ACVR1: variants seen among roughly 807,000 people sequenced by gnomAD.
ACVR1 encodes the protein activin A receptor type 1.
A neutral mutation model predicts 57.1 loss-of-function variants in ACVR1; 38 were observed. The ratio of observed to expected loss-of-function variants is 0.67; its 90% CI spans 0.51 to 0.87. The LOEUF (loss-of-function observed/expected upper bound fraction) is 0.87. ACVR1 is among the 40% of genes least tolerant of loss of function. The pLI, the probability that ACVR1 is intolerant of heterozygous loss-of-function variation, is 0.00. For missense variants in ACVR1, 463 were observed against 638.2 expected (o/e 0.73, Z 2.96); for synonymous variants, 212 against 228.1 (o/e 0.93, Z 0.63).
At chr2:157,780,043 T>C (rs926167287) in intron 4 of ACVR1, among the ~76,000 whole-genome samples, 1 of 152,216 alleles carries the variant, frequency 6.6e-6, no homozygotes, top group Non-Finnish European at 1.5e-5. Flanking sequence ...TAAAAAGGTA[T>C]TGGGAGCTGT....
At chr2:157,859,455 C>T (rs1322110837) in intron 1 of ACVR1, among the ~76,000 whole-genome samples, 2 of 152,140 alleles carry the variant, frequency 1.3e-5, no homozygotes, top group Non-Finnish European at 2.9e-5. Flanking sequence ...AGGAGCCATT[C>T]TTCCTTTACT....
rs1215633889 is a variant in ACVR1 at position 157,736,559 on chromosome 2, A to AT, written c.*971dup. The stretch of plus-strand genomic sequence containing the variant: ...AGAGTTTAAATGCACGTAATGGATA[A>AT]TTCTGAAGAAAATGCATTTTCCCCG... On this transcript the variant is annotated 3_prime_UTR_variant, in exon 11 of 11. Coordinates refer to ENST00000434821, the MANE Select transcript of ACVR1 (RefSeq NM_001111067.4). The AT allele has an allele frequency of 1.1e-5, 3 of 284,130 alleles. No individual in the cohort carries two copies. The Admixed American group carries it at 1.6e-4, about 15-fold the overall frequency. The allele number at this position is 284,130 out of a possible 1,614,324, so 17.6% of individuals were successfully genotyped here.
intron 2 of ACVR1, among the ~76,000 whole-genome samples, chr2:157,816,601 T>C (rs968336995): frequency 3.4e-5 from 5 of 145,104 alleles, no homozygotes; most frequent in Non-Finnish European, 7.4e-5. Context: ...TGCCTCAAAA[T>C]AGTAATAATA....
chr2:157,856,977 T>C (rs1044457450), intron 1 of ACVR1, among the ~76,000 whole-genome samples: 1 of 152,206 alleles, frequency 6.6e-6, no homozygotes, highest in Middle Eastern at 3.4e-3. Flanking sequence ...GGCAGGTGGA[T>C]TGCTTGAGCC....
intron 1 of ACVR1, among the ~76,000 whole-genome samples, chr2:157,868,500 A>G (rs889487156): frequency 1.9e-4 from 27 of 142,686 alleles, no homozygotes; most frequent in African/African-American, 6.5e-4. Context: ...AAAAAAAAAA[A>G]TCTGCAACTA....
intron 2 of ACVR1, among the ~76,000 whole-genome samples, chr2:157,802,527 T>C (rs1687361543): frequency 6.6e-6 from 1 of 152,082 alleles, no homozygotes; most frequent in African/African-American, 2.4e-5. Context: ...CTACCCATTA[T>C]TATCACCCCC....
chr2:157,863,555 G>T (rs1689810691), intron 1 of ACVR1, among the ~76,000 whole-genome samples: 1 of 150,456 alleles, frequency 6.6e-6, no homozygotes, highest in Admixed American at 6.6e-5. Flanking sequence ...AAATTAGCTG[G>T]GTGCAGTGGT....
intron 1 of ACVR1, among the ~76,000 whole-genome samples, chr2:157,853,025 A>T (rs186932216): frequency 3.5e-4 from 54 of 152,372 alleles, no homozygotes; most frequent in African/African-American, 1.2e-3. Context: ...TCCTAACAAT[A>T]AGATCTCAAA....
chr2:157,747,544 T>C (rs60165990), intron 9 of ACVR1, among the ~76,000 whole-genome samples: 2,498 of 152,308 alleles, frequency 0.016, 63 homozygotes, highest in African/African-American at 0.057. Flanking sequence ...TACGGAATTA[T>C]ATCTATATAT....
Position 157,783,667 on chromosome 2 carries a change from G to A in ACVR1, c.68-3067C>T, listed in dbSNP as rs536114584. 7.9e-5 allele frequency among the ~76,000 whole-genome samples: 12 copies of A among 152,244 alleles called. No homozygotes were observed. The South Asian group carries it at 2.5e-3, about 32-fold the overall frequency. On this transcript the variant is annotated intron_variant, in intron 3 of 10. Coordinates refer to ENST00000434821, the MANE Select transcript of ACVR1 (RefSeq NM_001111067.4). Reference sequence around the variant, plus strand: ...AAGGCAAGGAAAGACAACTGTTAATGATACGTAATAATTAACTCAATCTCT... The same window carrying A: ...AAGGCAAGGAAAGACAACTGTTAATAATACGTAATAATTAACTCAATCTCT...
At chr2:157,847,076 T>C (rs1689146811) in intron 1 of ACVR1, among the ~76,000 whole-genome samples, 2 of 152,040 alleles carry the variant, frequency 1.3e-5, no homozygotes, top group Admixed American at 6.5e-5. Flanking sequence ...GCCAAAGAAA[T>C]GAACCAGAAC....
chr2:157,874,900 C>G (rs1177395983), intron 1 of ACVR1: 1 of 150,176 alleles, frequency 6.7e-6, no homozygotes, highest in Admixed American at 6.7e-5. Flanking sequence ...TTCATGACAA[C>G]TTTTTAACCA....
At chr2:157,775,521 A>C (rs918944813) in intron 5 of ACVR1, among the ~76,000 whole-genome samples, 5 of 152,150 alleles carry the variant, frequency 3.3e-5, no homozygotes, top group Non-Finnish European at 7.4e-5. Context: ...ATCTTCTTTC[A>C]CTTCTTCTGA....
chr2:157,805,624 T>TTCTGGGAAGGTAGAAGAAACTTGCCTA (rs1307662743), intron 2 of ACVR1, among the ~76,000 whole-genome samples: 40 of 152,138 alleles, frequency 2.6e-4, no homozygotes, highest in Non-Finnish European at 5.4e-4. Flanking sequence ...TTTCTTAGTC[T>TTCTGGGAAGGTAGAAGAAACTTGCCTA]TCTGGGAAGG....
chr2:157,766,227 A>G (rs752599923), intron 7 of ACVR1, 31 bp from the exon 8 acceptor site: 100 of 1,608,322 alleles, frequency 6.2e-5, no homozygotes, highest in East Asian at 1.3e-4. Flanking sequence ...ATTAATATAC[A>G]TGAGGATTCC....
At chr2:157,772,506 G>A (rs1686107763) in intron 6 of ACVR1, among the ~76,000 whole-genome samples, 1 of 152,134 alleles carries the variant, frequency 6.6e-6, no homozygotes, top group South Asian at 2.1e-4. Context: ...TATTTATACT[G>A]TTTCAAAAGA....
rs577800017 is a variant in ACVR1, at chr2:157,770,724, C to G, written c.644-210G>C. On this transcript the variant is annotated intron_variant, in intron 6 of 10. Coordinates refer to ENST00000434821, the MANE Select transcript of ACVR1 (RefSeq NM_001111067.4). ...TACAAAAATAAGGTGGAAGCTGCCCCTCTCATCTACCATATTGTGATAACA... is the reference window on the plus strand; with the variant it reads ...TACAAAAATAAGGTGGAAGCTGCCCGTCTCATCTACCATATTGTGATAACA... Among the ~76,000 whole-genome samples the G allele has an allele frequency of 4.6e-5, 7 of 152,282 alleles. No individual in the cohort carries two copies. The South Asian group carries it at 1.5e-3, about 32-fold the overall frequency.
At chr2:157,846,804 TAAAAGAA>T (rs1360698998) in intron 1 of ACVR1, among the ~76,000 whole-genome samples, 1 of 151,862 alleles carries the variant, frequency 6.6e-6, no homozygotes, top group Non-Finnish European at 1.5e-5. Flanking sequence ...AATAAACACA[TAAAAGAA>T]AAAAGAAAAG....
intron 1 of ACVR1, among the ~76,000 whole-genome samples, chr2:157,866,281 C>G (rs1689930687): frequency 6.6e-6 from 1 of 152,124 alleles, no homozygotes; most frequent in African/African-American, 2.4e-5. Context: ...ACACTCACAT[C>G]TGAGACAGAT....
Sources: gnomAD v4.1 joint callset for allele counts (sites outside exome capture counted in the v4.1 genomes callset) on GRCh38, gnomAD v4.1.1 for gene constraint, MANE v1.5 for transcripts, NCBI Gene and HGNC (gene_info 2026-07-23, HGNC 2026-07-21) for gene names.